PTPRN2: variants seen among roughly 807,000 people sequenced by gnomAD.
The protein encoded by PTPRN2 is receptor-type tyrosine-protein phosphatase N2.
PTPRN2 carries 74 observed loss-of-function variants against 118.8 expected under a neutral mutation model. The observed-to-expected ratio is 0.62, with a 90% CI of 0.52 to 0.76. PTPRN2 has a LOEUF of 0.76. PTPRN2 is among the 30% of genes least tolerant of loss of function. PTPRN2 has a pLI of 0.00. For synonymous variants in PTPRN2, 641 were observed against 608.0 expected, an observed-to-expected ratio of 1.05 and a Z score of -0.80; for missense variants, 1,481 against 1,394.4, an observed-to-expected ratio of 1.06 and a Z score of -0.99.
chr7:158,291,474 T>C (rs972989934), intron 3 of PTPRN2, among the ~76,000 whole-genome samples: 1 of 152,366 alleles, frequency 6.6e-6, no homozygotes, highest in Non-Finnish European at 1.5e-5. Context: ...CCAATTGTTA[T>C]AAATTAACTA....
chr7:158,071,497 T>C (rs1811646543), intron 11 of PTPRN2, among the ~76,000 whole-genome samples: 1 of 136,966 alleles, frequency 7.3e-6, no homozygotes. Context: ...GTGCAGGTGC[T>C]CCTGGTGGAG....
chr7:158,341,489 ATTGGT>A (rs1806772788), intron 2 of PTPRN2, among the ~76,000 whole-genome samples: 1 of 144,060 alleles, frequency 6.9e-6, no homozygotes, highest in African/African-American at 2.7e-5. Context: ...TCTCACCATA[ATTGGT>A]GACACGTGCA....
chr7:157,988,652 G>A (rs2128841034), intron 11 of PTPRN2, among the ~76,000 whole-genome samples: 1 of 152,356 alleles, frequency 6.6e-6, no homozygotes, highest in Admixed American at 6.5e-5. Flanking sequence ...CAGGGGGGCT[G>A]GAGGGAACCG....
intron 12 of PTPRN2, among the ~76,000 whole-genome samples, chr7:157,846,629 GGT>G (rs1395456366): frequency 6.6e-6 from 1 of 152,192 alleles, no homozygotes; most frequent in Admixed American, 6.5e-5. Context: ...CTGTGCTGCA[GGT>G]GTGTCTGATG....
intron 2 of PTPRN2, among the ~76,000 whole-genome samples, chr7:158,371,037 A>G (rs1270741132): frequency 6.6e-6 from 1 of 152,208 alleles, no homozygotes; most frequent in African/African-American, 2.4e-5. Flanking sequence ...AGCAATTGTC[A>G]TTTGGGAAAT....
intron 3 of PTPRN2, among the ~76,000 whole-genome samples, chr7:158,289,102 T>C (rs1799943627): frequency 4.0e-5 from 6 of 149,160 alleles, no homozygotes; most frequent in Admixed American, 4.0e-4. Flanking sequence ...TTTAAGATCC[T>C]CTTTGTCTTT....
intron 3 of PTPRN2, among the ~76,000 whole-genome samples, chr7:158,214,402 ACACACAC>A (rs1176341610): frequency 3.1e-4 from 32 of 104,368 alleles, no homozygotes; most frequent in African/African-American, 9.7e-4. Flanking sequence ...GCGTGTACAC[ACACACAC>A]ACACACACAC....
In PTPRN2 at chr7:158,578,045, C is replaced by G. The variant is rs544142741; in HGVS notation, c.112+9513G>C. 3.8e-4 allele frequency among the ~76,000 whole-genome samples: 58 copies of G among 152,350 alleles called. No homozygotes were observed. The South Asian group carries it at 4.6e-3, about 12-fold the overall frequency. On this transcript the variant is annotated intron_variant, in intron 1 of 22. Transcript: ENST00000389418. Reference sequence around the variant, plus strand: ...CTTCAGAAGAGCAAAGGGAACAACACCCACCCGGCAAGCTCGTTGACAAGA... The same window carrying G: ...CTTCAGAAGAGCAAAGGGAACAACAGCCACCCGGCAAGCTCGTTGACAAGA...
At chr7:158,454,102 T>C (rs370630608) in intron 2 of PTPRN2, among the ~76,000 whole-genome samples, 19 of 139,886 alleles carry the variant, frequency 1.4e-4, no homozygotes, top group East Asian at 1.2e-3. Flanking sequence ...ATGGTTGCTA[T>C]GGAGGACAGA....
At chr7:157,991,748 C>T (rs1395780421) in intron 11 of PTPRN2, among the ~76,000 whole-genome samples, 1 of 152,106 alleles carries the variant, frequency 6.6e-6, no homozygotes, top group Non-Finnish European at 1.5e-5. Flanking sequence ...GGCTGGGGAC[C>T]CAGGACAAGG....
intron 11 of PTPRN2, among the ~76,000 whole-genome samples, chr7:158,071,417 G>C (rs1371481549): frequency 9.0e-5 from 5 of 55,364 alleles, no homozygotes; most frequent in Admixed American, 1.9e-4. Flanking sequence ...AGTTGCTCCT[G>C]GTGGTGGAGG....
At chr7:158,424,969 G>A (rs1346154072) in intron 2 of PTPRN2, among the ~76,000 whole-genome samples, 1 of 152,316 alleles carries the variant, frequency 6.6e-6, no homozygotes, top group East Asian at 1.9e-4. Flanking sequence ...CAGGTCTGGG[G>A]CCCGGGTGTT....
intron 2 of PTPRN2, among the ~76,000 whole-genome samples, chr7:158,420,700 G>C (rs556474423): frequency 6.6e-6 from 1 of 152,160 alleles, no homozygotes; most frequent in Non-Finnish European, 1.5e-5. Context: ...GGGCTTCCCA[G>C]AAGATACTCC....
intron 2 of PTPRN2, among the ~76,000 whole-genome samples, chr7:158,390,795 T>C (rs1174278160): frequency 1.3e-5 from 2 of 152,098 alleles, no homozygotes; most frequent in Non-Finnish European, 2.9e-5. Context: ...TCAGCTCCAC[T>C]CTACAAATGT....
rs189502673 is a variant in PTPRN2, at chr7:158,293,663, A to G, written c.277+23156T>C. On this transcript the variant is annotated intron_variant, in intron 3 of 22. Coordinates refer to ENST00000389418, the MANE Select transcript of PTPRN2 (RefSeq NM_002847.5). ...ATAACACTTAGCTTAAAACAAACAC[A>G]TAGTACAGCAGTATAAAAATAGTCT... Among the ~76,000 whole-genome samples, 428 of 152,292 alleles carry G rather than the reference A, an allele frequency of 2.8e-3. 4 individuals are homozygous for G. The highest frequency in any genetic ancestry group is 9.6e-3 in the African/African-American group (400 of 41,556).
chr7:158,123,134 C>A (rs1817310701), intron 9 of PTPRN2, among the ~76,000 whole-genome samples: 1 of 152,202 alleles, frequency 6.6e-6, no homozygotes, highest in African/African-American at 2.4e-5. Context: ...ATACTCAAAA[C>A]CAATAGATAA....
intron 9 of PTPRN2, among the ~76,000 whole-genome samples, chr7:158,130,720 A>T (rs1183102174): frequency 6.6e-6 from 1 of 151,694 alleles, no homozygotes. Flanking sequence ...TCATATACAC[A>T]CATGCACATA....
At chr7:158,149,807 A>G (rs1486246045) in intron 6 of PTPRN2, among the ~76,000 whole-genome samples, 1 of 152,038 alleles carries the variant, frequency 6.6e-6, no homozygotes, top group Non-Finnish European at 1.5e-5. Flanking sequence ...CCATCTCAAA[A>G]AAAAAAAAAA....
rs189459074 is a variant in PTPRN2 at position 158,238,319 on chromosome 7, G to A, written c.278-33046C>T. On this transcript the variant is annotated intron_variant, in intron 3 of 22. Coordinates refer to ENST00000389418, the MANE Select transcript of PTPRN2 (RefSeq NM_002847.5). ...AGGAAACCGTCCTCCCCTCCCTCCT[G>A]CCCTGGGCCAAGCAGGTCCTGCCAG... Among the ~76,000 whole-genome samples, 8 of 152,142 alleles carry A rather than the reference G, an allele frequency of 5.3e-5. No individual in the cohort carries two copies. The East Asian group carries it at 1.4e-3, about 26-fold the overall frequency.
Sources: gnomAD v4.1 joint callset for allele counts (sites outside exome capture counted in the v4.1 genomes callset) on GRCh38, gnomAD v4.1.1 for gene constraint, MANE v1.5 for transcripts, NCBI Gene and HGNC (gene_info 2026-07-23, HGNC 2026-07-21) for gene names.